The following GLYATL1 variants were observed in gnomAD, a reference collection of about 807,000 sequenced individuals.
The protein encoded by GLYATL1 is glycine-N-acyltransferase like 1, also known as glycine N-acyltransferase-like protein 1.
In GLYATL1, 15 loss-of-function variants were observed where a neutral mutation model predicts 20.0. The observed-to-expected ratio is 0.75, with a 90% CI of 0.50 to 1.15. The LOEUF (loss-of-function observed/expected upper bound fraction) is 1.15. Among genes scored for constraint, GLYATL1 ranks in the 50% most tolerant of loss-of-function variants. The pLI is 0.00. For missense variants in GLYATL1, 380 were observed against 368.5 expected (o/e 1.03, Z -0.26); for synonymous variants, 151 against 131.5 (o/e 1.15, Z -1.01).
chr11:58,906,867 T>C (rs569292081), intron 1 of GLYATL1, among the ~76,000 whole-genome samples: 50 of 152,220 alleles, frequency 3.3e-4, no homozygotes, highest in Non-Finnish European at 5.6e-4. Flanking sequence ...CGGTGCTCAT[T>C]TGAGGCGGGG....
chr11:58,929,098 A>G (rs189432255), intron 1 of GLYATL1, among the ~76,000 whole-genome samples: 1 of 152,216 alleles, frequency 6.6e-6, no homozygotes, highest in South Asian at 2.1e-4. Context: ...ATTTTCCTTT[A>G]ATACTTCTGC....
intron 4 of GLYATL1, among the ~76,000 whole-genome samples, chr11:58,950,151 C>T (rs959877687): frequency 1.0e-4 from 14 of 137,274 alleles, no homozygotes; most frequent in African/African-American, 3.9e-4. Context: ...ATTAGCCGGG[C>T]GTGGTGGCGG....
chr11:58,942,014 G>T (rs1211544226), intron 1 of GLYATL1, among the ~76,000 whole-genome samples: 1 of 152,212 alleles, frequency 6.6e-6, no homozygotes, highest in Non-Finnish European at 1.5e-5. Flanking sequence ...TTTCATGAAT[G>T]CTGACAGATA....
At chr11:58,938,532 A>G (rs1404480720), upstream of GLYATL1, among the ~76,000 whole-genome samples, 2 of 152,224 alleles carry the variant, frequency 1.3e-5, no homozygotes, top group African/African-American at 4.8e-5. Flanking sequence ...GTGTTTCATG[A>G]AGTCACTTAT....
chr11:58,905,928 A>G (rs1307398532), intron 1 of GLYATL1, among the ~76,000 whole-genome samples: 3 of 152,226 alleles, frequency 2.0e-5, no homozygotes, highest in Non-Finnish European at 4.4e-5. Context: ...AACAGCCTCC[A>G]GAGACTCTTC....
At chr11:58,932,949 A>G (rs1451057184) in intron 1 of GLYATL1, among the ~76,000 whole-genome samples, 2 of 152,200 alleles carry the variant, frequency 1.3e-5, no homozygotes, top group Non-Finnish European at 2.9e-5. Context: ...ATGGATGTTT[A>G]TTATATGAAA....
chr11:58,954,113 G>A (rs1460346248), intron 4 of GLYATL1, among the ~76,000 whole-genome samples: 5 of 152,174 alleles, frequency 3.3e-5, no homozygotes, highest in Non-Finnish European at 7.4e-5. Flanking sequence ...TCTCGTTAGT[G>A]TTTATATTCA....
In GLYATL1 at chr11:58,943,540, C is replaced by A. The variant is rs1453722406; in HGVS notation, c.-166-3C>A. On this transcript the variant is annotated splice_region_variant and splice_polypyrimidine_tract_variant and intron_variant, in intron 1 of 6. Coordinates refer to ENST00000532726, the MANE Select transcript of GLYATL1 (RefSeq NM_001389712.2). ...AATTCAGCTGAAGTTTTTCTTTTAT[C>A]AGATGGTGTCACAAGAAGGATCTGA... 1.9e-6 allele frequency: 3 copies of A among 1,607,888 alleles called. No homozygotes were observed. The highest frequency in any genetic ancestry group is 2.7e-5 in the African/African-American group (2 of 74,682).
At chr11:58,915,451 G>C (rs1029883137) in intron 1 of GLYATL1, among the ~76,000 whole-genome samples, 2 of 152,162 alleles carry the variant, frequency 1.3e-5, no homozygotes, top group African/African-American at 4.8e-5. Context: ...CTGAGGGGAA[G>C]GTAGTTGGGG....
intron 2 of GLYATL1, among the ~76,000 whole-genome samples, chr11:58,944,644 T>A (rs1360570126): frequency 6.6e-6 from 1 of 152,200 alleles, no homozygotes; most frequent in Non-Finnish European, 1.5e-5. Flanking sequence ...CTTGTCCACA[T>A]GCAAACATAA....
intron 2 of GLYATL1, among the ~76,000 whole-genome samples, chr11:58,944,796 C>G (rs1856446678): frequency 6.6e-6 from 1 of 151,824 alleles, no homozygotes; most frequent in Admixed American, 6.6e-5. Flanking sequence ...TATAATTTCT[C>G]TTTAGTGGAC....
chr11:58,911,134 G>T (rs1855029892), downstream of GLYATL1, among the ~76,000 whole-genome samples: 1 of 152,156 alleles, frequency 6.6e-6, no homozygotes, highest in South Asian at 2.1e-4. Flanking sequence ...AGATTCATGA[G>T]TATTGTTGCA....
At chr11:58,936,560 T>C (rs1290917571), upstream of GLYATL1, among the ~76,000 whole-genome samples, 4 of 152,342 alleles carry the variant, frequency 2.6e-5, no homozygotes, top group African/African-American at 9.6e-5. Context: ...TTTTGGGACA[T>C]GGCTTTAGAG....
chr11:58,914,757 C>T (rs961510542), intron 1 of GLYATL1, among the ~76,000 whole-genome samples: 3 of 152,154 alleles, frequency 2.0e-5, no homozygotes, highest in African/African-American at 7.2e-5. Flanking sequence ...AGGATGGCAC[C>T]AGTGGAAGTT....
At chr11:58,929,924 A>T (rs1298045045) in intron 1 of GLYATL1, among the ~76,000 whole-genome samples, 1 of 152,196 alleles carries the variant, frequency 6.6e-6, no homozygotes, top group African/African-American at 2.4e-5. Flanking sequence ...GCAGTCTTAG[A>T]GTCTGGATCA....
chr11:58,929,523 A>G (rs17578583), intron 1 of GLYATL1, among the ~76,000 whole-genome samples: 13,305 of 152,166 alleles, frequency 0.087, 707 homozygotes, highest in East Asian at 0.16. Flanking sequence ...TTTCACCCGT[A>G]TATTATAGAG....
At chr11:58,913,625 C>A (rs561421045) in intron 1 of GLYATL1, among the ~76,000 whole-genome samples, 26 of 152,176 alleles carry the variant, frequency 1.7e-4, no homozygotes, top group South Asian at 2.1e-4. Flanking sequence ...GGAGCTGACA[C>A]CATAGAGGGA....
upstream of GLYATL1, among the ~76,000 whole-genome samples, chr11:58,924,490 T>C (rs185406413): frequency 2.0e-3 from 311 of 152,356 alleles, 1 homozygote; most frequent in African/African-American, 7.0e-3. Context: ...CAAAAAGGTT[T>C]GTAAACTATT....
At chr11:58,932,279 G>A (rs1462510802) in intron 1 of GLYATL1, among the ~76,000 whole-genome samples, 1 of 152,018 alleles carries the variant, frequency 6.6e-6, no homozygotes. Context: ...ATAATACCAA[G>A]CTTCAAGCTT....
Sources: gnomAD v4.1 joint callset for allele counts (sites outside exome capture counted in the v4.1 genomes callset) on GRCh38, gnomAD v4.1.1 for gene constraint, MANE v1.5 for transcripts, NCBI Gene and HGNC (gene_info 2026-07-23, HGNC 2026-07-21) for gene names.